GLI2: variants seen among roughly 807,000 people sequenced by gnomAD.
The protein encoded by GLI2 is GLI family zinc finger 2, also known as transcription activator GLI2.
A neutral mutation model predicts 78.9 loss-of-function variants in GLI2; 22 were observed. The observed-to-expected ratio is 0.28, with a 90% CI of 0.20 to 0.40. The LOEUF (loss-of-function observed/expected upper bound fraction) is 0.40, where lower values mean the gene tolerates loss of function less well. GLI2 is among the 10% of genes least tolerant of loss of function. GLI2 has a pLI of 1.00. For synonymous variants in GLI2, 974 were observed against 963.7 expected (o/e 1.01, Z -0.20); for missense variants, 2,097 against 2,213.2 (o/e 0.95, Z 1.05).
At chr2:120,846,901 G>A (rs1463413068) in intron 2 of GLI2, among the ~76,000 whole-genome samples, 1 of 152,232 alleles carries the variant, frequency 6.6e-6, no homozygotes. Context: ...TGCACAGCGC[G>A]GGCACCGCAG....
chr2:120,869,852 GCTGCAGGGGGCC>G (rs890844699), intron 2 of GLI2, among the ~76,000 whole-genome samples: 1 of 152,036 alleles, frequency 6.6e-6, no homozygotes, highest in African/African-American at 2.4e-5. Context: ...TGAGCTCCAG[GCTGCAGGGGGCC>G]CTGCAGGGGG....
intron 2 of GLI2, among the ~76,000 whole-genome samples, chr2:120,909,714 A>C (rs1040441562): frequency 6.6e-6 from 1 of 151,636 alleles, no homozygotes; most frequent in Non-Finnish European, 1.5e-5. Context: ...AAATACAAAA[A>C]ATTAGCCGGG....
intron 1 of GLI2, among the ~76,000 whole-genome samples, chr2:120,761,448 G>A (rs974419922): frequency 1.3e-5 from 2 of 152,204 alleles, no homozygotes; most frequent in African/African-American, 4.8e-5. Context: ...AGCCCAGGGG[G>A]TGGCTGCTTC....
chr2:120,919,848 C>A (rs1679282326), intron 2 of GLI2, among the ~76,000 whole-genome samples: 1 of 152,246 alleles, frequency 6.6e-6, no homozygotes, highest in African/African-American at 2.4e-5. Context: ...CCTGGAGCGG[C>A]CAATTGCCCA....
intron 5 of GLI2, among the ~76,000 whole-genome samples, chr2:120,966,562 ATGTCCTC>A (rs1442721647): frequency 6.6e-6 from 1 of 152,196 alleles, no homozygotes; most frequent in Non-Finnish European, 1.5e-5. Context: ...ATGGTCCTGG[ATGTCCTC>A]TGTCCTCTCT....
intron 2 of GLI2, among the ~76,000 whole-genome samples, chr2:120,821,193 G>C (rs1015221015): frequency 6.6e-6 from 1 of 152,098 alleles, no homozygotes; most frequent in African/African-American, 2.4e-5. Flanking sequence ...GTACGGGGGA[G>C]GTTCTCTCGA....
intron 2 of GLI2, among the ~76,000 whole-genome samples, chr2:120,904,770 T>C (rs1176030321): frequency 6.6e-6 from 1 of 152,196 alleles, no homozygotes; most frequent in Non-Finnish European, 1.5e-5. Flanking sequence ...CTGGTGTTTC[T>C]CCTATGCCTC....
At chr2:120,773,409 C>T (rs1445990838) in intron 1 of GLI2, among the ~76,000 whole-genome samples, 3 of 152,192 alleles carry the variant, frequency 2.0e-5, no homozygotes, top group East Asian at 3.9e-4. Context: ...TCCTGTCACC[C>T]GCGGTGACAG....
intron 2 of GLI2, among the ~76,000 whole-genome samples, chr2:120,886,883 G>A (rs1415973113): frequency 1.3e-5 from 2 of 152,336 alleles, no homozygotes; most frequent in East Asian, 3.9e-4. Flanking sequence ...GGGAGAAGAT[G>A]CCACGGTCTG....
At chr2:120,921,503 G>A (rs1307848500) in intron 2 of GLI2, among the ~76,000 whole-genome samples, 1 of 152,094 alleles carries the variant, frequency 6.6e-6, no homozygotes, top group Non-Finnish European at 1.5e-5. Context: ...CCTGGGAAGT[G>A]GGCAACCATT....
At chr2:120,926,198 G>A (rs1679666111) in intron 2 of GLI2, among the ~76,000 whole-genome samples, 1 of 148,766 alleles carries the variant, frequency 6.7e-6, no homozygotes, top group Non-Finnish European at 1.5e-5. Flanking sequence ...CACAGAAACA[G>A]TTAGTAGCAT....
intron 2 of GLI2, among the ~76,000 whole-genome samples, chr2:120,854,828 C>A (rs1379311770): frequency 3.3e-5 from 5 of 152,214 alleles, no homozygotes; most frequent in African/African-American, 1.2e-4. Context: ...AGTAGGCCTG[C>A]GATGGGGCTT....
chr2:120,807,474 T>C (rs531153128), intron 2 of GLI2, among the ~76,000 whole-genome samples: 1 of 152,304 alleles, frequency 6.6e-6, no homozygotes, highest in South Asian at 2.1e-4. Context: ...AACTGTTTTC[T>C]GAGGGTAGCG....
At chr2:120,950,374 T>C (rs964568850) in intron 3 of GLI2, among the ~76,000 whole-genome samples, 5 of 152,258 alleles carry the variant, frequency 3.3e-5, no homozygotes, top group African/African-American at 1.2e-4. Flanking sequence ...TCATCTTTAA[T>C]GAGTGAGTTT....
intron 2 of GLI2, among the ~76,000 whole-genome samples, chr2:120,876,248 G>A (rs1407740717): frequency 2.0e-5 from 3 of 152,088 alleles, no homozygotes; most frequent in South Asian, 2.1e-4. Context: ...AGGCTGAGGC[G>A]GGAGAGTGGC....
intron 2 of GLI2, among the ~76,000 whole-genome samples, chr2:120,893,832 C>T (rs939737350): frequency 2.0e-5 from 3 of 152,142 alleles, no homozygotes; most frequent in African/African-American, 7.2e-5. Flanking sequence ...CATTCTGCCT[C>T]CTTAGTCCAG....
intron 2 of GLI2, among the ~76,000 whole-genome samples, chr2:120,899,426 CACAT>C (rs927607606): frequency 5.3e-5 from 6 of 112,784 alleles, no homozygotes; most frequent in East Asian, 2.0e-4. Flanking sequence ...CACACACACA[CACAT>C]ACACACATGC....
intron 2 of GLI2, among the ~76,000 whole-genome samples, chr2:120,824,310 C>T (rs1372712916): frequency 6.6e-6 from 1 of 152,232 alleles, no homozygotes; most frequent in Non-Finnish European, 1.5e-5. Context: ...GCTGTGTTGA[C>T]CTTGACTGTT....
At chr2:120,821,117 T>G (rs1178772885) in intron 2 of GLI2, among the ~76,000 whole-genome samples, 2 of 152,110 alleles carry the variant, frequency 1.3e-5, no homozygotes, top group Non-Finnish European at 2.9e-5. Context: ...TGGCAGCCTG[T>G]CTTGCGTGGG....
Sources: gnomAD v4.1 joint callset for allele counts (sites outside exome capture counted in the v4.1 genomes callset) on GRCh38, gnomAD v4.1.1 for gene constraint, MANE v1.5 for transcripts, NCBI Gene and HGNC (gene_info 2026-07-23, HGNC 2026-07-21) for gene names.